The following IGSF9B variants were observed in gnomAD, a reference collection of about 807,000 sequenced individuals.
IGSF9B encodes immunoglobulin superfamily member 9B, also known as protein turtle homolog B.
IGSF9B carries 48 observed loss-of-function variants against 143.7 expected under a neutral mutation model. The ratio of observed to expected loss-of-function variants is 0.33; its 90% CI spans 0.26 to 0.42. IGSF9B has a LOEUF of 0.42. IGSF9B is among the 20% of genes least tolerant of loss of function. The pLI, the probability that IGSF9B is intolerant of heterozygous loss-of-function variation, is 1.00. For synonymous variants in IGSF9B, 903 were observed against 833.1 expected (o/e 1.08, Z -1.44); for missense variants, 1,706 against 1,980.0 (o/e 0.86, Z 2.63).
Position 133,956,906 on chromosome 11 carries a change from C to T in IGSF9B, c.-152G>A. On this transcript the variant is annotated 5_prime_UTR_variant, in exon 1 of 20. Transcript: ENST00000533871. The stretch of plus-strand genomic sequence containing the variant: ...CAGCCCGGGTGGCCAGCTCTCCATC[C>T]CTCCTAGGCTCCGCTCGGCTCGGCG... 1 of 405,342 alleles carries T rather than the reference C, an allele frequency of 2.5e-6. No homozygotes were observed. Among genetic ancestry groups the T allele is most frequent in the African/African-American group, 2.1e-5 (1 of 47,948 alleles). 25.1% of individuals were successfully genotyped at this position (405,342 alleles called of 1,614,324 possible). A position where few individuals can be genotyped will look rare whatever the true frequency, so the allele number is the denominator to read the frequency against.
intron 15 of IGSF9B, among the ~76,000 whole-genome samples, chr11:133,923,771 G>A (rs891706062): frequency 6.6e-6 from 1 of 152,246 alleles, no homozygotes; most frequent in African/African-American, 2.4e-5. Context: ...GGAAGTGTCT[G>A]ACGAGGCACA....
chr11:133,921,009 C>A lies in IGSF9B; in HGVS notation c.2716G>T (p.Ala906Ser). The change falls in exon 18 of 20, where the codon GCC (alanine) becomes TCC (serine). Residue 906 changes from alanine (A) to serine (S), a missense_variant. By Grantham distance (99) the Ala-to-Ser change is moderately conservative (BLOSUM62 1). Around this residue, in one of 7 missense-constraint regions of IGSF9B, gnomAD observed 880 missense variants for 762.9 expected, o/e 1.15. Coordinates refer to ENST00000533871, the MANE Select transcript of IGSF9B (RefSeq NM_001277285.4). ...GGGGTGAGCTGGGACTTCAGGGCGGCCACAGATGTGGGCACCAGTGGGTCC... is the reference window on the plus strand; with the variant it reads ...GGGGTGAGCTGGGACTTCAGGGCGGACACAGATGTGGGCACCAGTGGGTCC... ...NEDPLVPTSVAALKSQLTPLS... is the reference protein window; with the variant it reads ...NEDPLVPTSVSALKSQLTPLS... The A allele has an allele frequency of 6.2e-7, 1 of 1,612,320 alleles. No individual in the cohort carries two copies. The highest frequency in any genetic ancestry group is 8.5e-7 in the Non-Finnish European group (1 of 1,178,802).
rs1159257430 is a variant in IGSF9B at position 133,948,311 on chromosome 11, TCA to T, written c.65-2055_65-2054del. ...AGAAGCTGATTGGCTCCCGGTGACA[TCA>T]CAGTTTTCTAGAGAAAGAGCTAAGA... On this transcript the variant is annotated intron_variant, in intron 1 of 19. Coordinates refer to ENST00000533871, the MANE Select transcript of IGSF9B (RefSeq NM_001277285.4). The surrounding 1 kb of genome is among the most constrained non-coding windows in gnomAD (Gnocchi z 4.7). 2.0e-5 allele frequency among the ~76,000 whole-genome samples: 3 copies of T among 152,030 alleles called. No individual in the cohort carries two copies. The highest frequency in any genetic ancestry group is 4.4e-5 in the Non-Finnish European group (3 of 68,016).
chr11:133,938,982 TC>T (rs1939873905), intron 3 of IGSF9B, among the ~76,000 whole-genome samples: 1 of 152,214 alleles, frequency 6.6e-6, no homozygotes, highest in South Asian at 2.1e-4. Flanking sequence ...TATCAGCTCT[TC>T]AGGAGCCACT....
rs574405940 is a variant in IGSF9B at position 133,903,918 on chromosome 11, C to T, written c.*5151G>A. On this transcript the variant is annotated 3_prime_UTR_variant, in exon 20 of 20. Coordinates refer to ENST00000533871, the MANE Select transcript of IGSF9B (RefSeq NM_001277285.4). ...TTGATCCTTGGTTTACTGACTTCTTCTAAAGAAGAGATTTTTCATTCTGCC... is the reference window on the plus strand; with the variant it reads ...TTGATCCTTGGTTTACTGACTTCTTTTAAAGAAGAGATTTTTCATTCTGCC... Among the ~76,000 whole-genome samples the T allele has an allele frequency of 6.6e-6, 1 of 152,134 alleles. No individual in the cohort carries two copies. Among genetic ancestry groups the T allele is most frequent in the Non-Finnish European group, 1.5e-5 (1 of 68,040 alleles).
Position 133,924,727 on chromosome 11 carries a change from C to G in IGSF9B, c.2119+93G>C. On this transcript the variant is annotated intron_variant, in intron 15 of 19. Transcript: ENST00000533871. ...ACTGCCTTAGTTTCCAATCCAGCTT[C>G]TCCTCGTGGAGTAGCCATTTCACAA... 7 of 1,039,560 alleles carry G rather than the reference C, an allele frequency of 6.7e-6. No individual in the cohort carries two copies. In the South Asian group the frequency reaches 9.5e-5, roughly 14 times the overall value. 64.4% of individuals were successfully genotyped at this position (1,039,560 alleles called of 1,614,324 possible). A position where few individuals can be genotyped will look rare whatever the true frequency, so the allele number is the denominator to read the frequency against.
rs567551376 is a variant in IGSF9B at position 133,927,703 on chromosome 11, C to T, written c.1632-612G>A. Among the ~76,000 whole-genome samples the T allele has an allele frequency of 6.6e-5, 10 of 152,290 alleles. No individual in the cohort carries two copies. The East Asian group carries it at 1.5e-3, about 23-fold the overall frequency. ...ATGCATGGAGAGTAGGAAGACGGGC[C>T]GAGGGTGTTCCCTTGTTCCACAGGC... On this transcript the variant is annotated intron_variant, in intron 12 of 19. Coordinates refer to ENST00000533871, the MANE Select transcript of IGSF9B (RefSeq NM_001277285.4).
At chr11:133,925,020 G>A in intron 14 of IGSF9B, 116 bp from the exon 15 acceptor site, 3 of 801,374 alleles carry the variant, frequency 3.7e-6, no homozygotes, top group South Asian at 3.1e-5. Flanking sequence ...AGCACAGGAG[G>A]ACTGCTAAGT....
chr11:133,944,721 AAG>A (rs540511399), intron 2 of IGSF9B, among the ~76,000 whole-genome samples: 100 of 152,332 alleles, frequency 6.6e-4, no homozygotes, highest in Middle Eastern at 3.4e-3. Context: ...GAAGAGATGA[AAG>A]AGAGAATGAA....
At chr11:133,924,051 G>A (rs144956105) in intron 15 of IGSF9B, among the ~76,000 whole-genome samples, 2 of 152,218 alleles carry the variant, frequency 1.3e-5, no homozygotes, top group East Asian at 1.9e-4. Flanking sequence ...TCCCTGCAGT[G>A]TGCCCACACC....
intron 15 of IGSF9B, among the ~76,000 whole-genome samples, chr11:133,924,209 A>T (rs190362645): frequency 1.1e-3 from 175 of 152,262 alleles, no homozygotes; most frequent in African/African-American, 4.1e-3. Flanking sequence ...CATACCAAGG[A>T]CACCCCTTCA....
rs142859751 is a variant in IGSF9B, at chr11:133,922,952, A to C, written c.2120-222T>G. On this transcript the variant is annotated intron_variant, in intron 15 of 19. Transcript: ENST00000533871. Reference sequence around the variant, plus strand: ...TCAATCTCTCCAAAGGGTGTAAAGAAGAAAACATCTATGCCTGTCCCCATG... The same window carrying C: ...TCAATCTCTCCAAAGGGTGTAAAGACGAAAACATCTATGCCTGTCCCCATG... 8.5e-5 allele frequency among the ~76,000 whole-genome samples: 13 copies of C among 152,352 alleles called. No homozygotes were observed. The East Asian group carries it at 2.5e-3, about 29-fold the overall frequency.
chr11:133,909,244 T>G lies in IGSF9B; in HGVS notation c.4139A>C (p.Asn1380Thr), dbSNP rs983843563. ...DSASQTQQLP[N>T]SQVLWPDEAV... ...TTCATCGGGCCACAGAACCTGAGAG[T>G]TGGGAAGCTGCTGAGTCTGGGAGGC... Residue 1380 changes from asparagine (N) to threonine (T), a missense_variant, in exon 20 of 20, where the codon AAC becomes ACC. This residue lies in a region of IGSF9B where 880 missense variants were observed against 762.9 expected (regional missense o/e 1.15). Coordinates refer to ENST00000533871, the MANE Select transcript of IGSF9B (RefSeq NM_001277285.4). The surrounding 1 kb of genome is among the most constrained non-coding windows in gnomAD (Gnocchi z 4.2). 5.2e-6 allele frequency: 8 copies of G among 1,535,654 alleles called. No homozygotes were observed. The highest frequency in any genetic ancestry group is 3.9e-5 in the Admixed American group (2 of 50,978).
In IGSF9B at chr11:133,909,991, T is replaced by C. The variant is rs1457301301; in HGVS notation, c.4106-714A>G. On this transcript the variant is annotated intron_variant, in intron 19 of 19. Coordinates refer to ENST00000533871, the MANE Select transcript of IGSF9B (RefSeq NM_001277285.4). This position sits in a 1 kb window ranked among gnomAD's most constrained non-coding sequence, Gnocchi z 4.2. ...AGCCTTCCACAGATCTGAAGAAAAA[T>C]TATTCCCAACAGAAGAAATGGCATG... Among the ~76,000 whole-genome samples the C allele has an allele frequency of 6.6e-6, 1 of 152,152 alleles. No homozygotes were observed. Among genetic ancestry groups the C allele is most frequent in the East Asian group, 1.9e-4 (1 of 5,204 alleles).
chr11:133,927,764 C>A (rs1234982150), intron 12 of IGSF9B, among the ~76,000 whole-genome samples: 2 of 152,156 alleles, frequency 1.3e-5, no homozygotes, highest in Non-Finnish European at 2.9e-5. Flanking sequence ...GCTATGGGTG[C>A]AGTGCTGCCA....
Position 133,922,741 on chromosome 11 carries a change from G to A in IGSF9B, c.2120-11C>T. 1 of 1,552,568 alleles carries A rather than the reference G, an allele frequency of 6.4e-7. No homozygotes were observed. The highest frequency in any genetic ancestry group is 1.2e-5 in the South Asian group (1 of 84,404). ...GCTGCGGGAAGATGTCTGCAGGGAG[G>A]GTGGGGAGCACTCATGAGCCCATCC... On this transcript the variant is annotated splice_polypyrimidine_tract_variant and intron_variant, in intron 15 of 19. Coordinates refer to ENST00000533871, the MANE Select transcript of IGSF9B (RefSeq NM_001277285.4).
At position 133,945,729 on chromosome 11, in the gene IGSF9B, G is replaced by A. The variant is rs1373174592; in HGVS notation, c.262+332C>T. Among the ~76,000 whole-genome samples, 1 of 152,112 alleles carries A rather than the reference G, an allele frequency of 6.6e-6. No homozygotes were observed. Among genetic ancestry groups the A allele is most frequent in the East Asian group, 1.9e-4 (1 of 5,164 alleles). On this transcript the variant is annotated intron_variant, in intron 2 of 19. Transcript: ENST00000533871. This position sits in a 1 kb window ranked among gnomAD's most constrained non-coding sequence, Gnocchi z 4.6. ...AAAGGGGTGGGTGCGGCCAAGCAGG[G>A]AGAGCCGTGCTGGCCCAGGGCTGCC...
intron 13 of IGSF9B, among the ~76,000 whole-genome samples, chr11:133,926,337 G>A (rs1384820237): frequency 6.6e-6 from 1 of 152,242 alleles, no homozygotes. Context: ...AGGACTGGGG[G>A]TGAGCATCCC....
Position 133,953,768 on chromosome 11 carries a change from CCA to C in IGSF9B, c.64+2921_64+2922del, listed in dbSNP as rs1940204912. On this transcript the variant is annotated intron_variant, in intron 1 of 19. Coordinates refer to ENST00000533871, the MANE Select transcript of IGSF9B (RefSeq NM_001277285.4). The surrounding 1 kb of genome is among the most constrained non-coding windows in gnomAD (Gnocchi z 4.2). ...CAGCTAAGCACGGCCCAGGGTCCTC[CCA>C]CAGAGTAGGAACTCCCCCGGGCTGG... is the stretch of plus-strand genomic sequence containing the variant. 6.6e-6 allele frequency among the ~76,000 whole-genome samples: 1 copy of C among 152,148 alleles called. No homozygotes were observed.
Sources: gnomAD v4.1 joint callset for allele counts (sites outside exome capture counted in the v4.1 genomes callset) on GRCh38, gnomAD v4.1.1 for gene constraint, gnomAD v4.1.1 regional missense constraint, Gnocchi (gnomAD v3.1) non-coding constraint, MANE v1.5 for transcripts, NCBI Gene and HGNC (gene_info 2026-07-23, HGNC 2026-07-21) for gene names.